MSR1: variants seen among roughly 807,000 people sequenced by gnomAD.
MSR1 encodes the protein macrophage scavenger receptor types I and II.
In MSR1, 53 loss-of-function variants were observed where a neutral mutation model predicts 47.2. The ratio of observed to expected loss-of-function variants is 1.12; its 90% confidence interval spans 0.90 to 1.41. MSR1 has a LOEUF of 1.41. MSR1 is among the 40% of genes most tolerant of loss of function. The pLI, the probability that MSR1 is intolerant of heterozygous loss-of-function variation, is 0.00. For missense variants in MSR1, 786 were observed against 546.9 expected (o/e 1.44, Z -4.36); for synonymous variants, 239 against 185.6 (o/e 1.29, Z -2.34).
At chr8:16,136,589 T>C (rs1188490535) in intron 8 of MSR1, among the ~76,000 whole-genome samples, 1 of 151,892 alleles carries the variant, frequency 6.6e-6, no homozygotes, top group Non-Finnish European at 1.5e-5. Flanking sequence ...AAGGAACACA[T>C]CTATTGTGTT....
chr8:16,168,441 A>T lies in MSR1; in HGVS notation c.630+17T>A. 1.2e-6 allele frequency: 2 copies of T among 1,613,838 alleles called. No homozygotes were observed. Among genetic ancestry groups the T allele is most frequent in the Non-Finnish European group, 1.7e-6 (2 of 1,179,836 alleles). ...ATTCAGTTCCAGCAAGTGACCTTGC[A>T]GTCCACAAACTCTTACCTCTTGTTG... On this transcript the variant is annotated intron_variant, in intron 4 of 9. Coordinates refer to ENST00000262101, the MANE Select transcript of MSR1 (RefSeq NM_138715.3).
intron 3 of MSR1, among the ~76,000 whole-genome samples, chr8:16,173,953 T>G (rs1801565170): frequency 6.6e-6 from 1 of 151,934 alleles, no homozygotes; most frequent in African/African-American, 2.4e-5. Context: ...CCAGCTGACT[T>G]TTTTGTTTTT....
intron 3 of MSR1, among the ~76,000 whole-genome samples, chr8:16,170,033 A>G (rs1319007682): frequency 1.3e-5 from 2 of 152,256 alleles, no homozygotes; most frequent in East Asian, 3.9e-4. Context: ...TCAAAAAAAT[A>G]AAAGGCTTAA....
intron 5 of MSR1, among the ~76,000 whole-genome samples, chr8:16,159,327 A>G (rs1327385904): frequency 6.6e-6 from 1 of 151,932 alleles, no homozygotes; most frequent in Non-Finnish European, 1.5e-5. Flanking sequence ...ACCTTTCTCT[A>G]GAGTTCATCT....
intron 7 of MSR1, among the ~76,000 whole-genome samples, chr8:16,145,867 A>G (rs1366866116): frequency 6.6e-6 from 1 of 152,156 alleles, no homozygotes; most frequent in Non-Finnish European, 1.5e-5. Context: ...ACCTTTGGTT[A>G]AAAATGAATG....
intron 7 of MSR1, among the ~76,000 whole-genome samples, chr8:16,146,261 T>C (rs1464826380): frequency 6.6e-6 from 1 of 151,996 alleles, no homozygotes; most frequent in Non-Finnish European, 1.5e-5. Context: ...TTATAACCAC[T>C]CATTAACCTT....
At chr8:16,129,934 T>C (rs756642759) in intron 8 of MSR1, among the ~76,000 whole-genome samples, 14 of 152,134 alleles carry the variant, frequency 9.2e-5, no homozygotes, top group Admixed American at 2.6e-4. Context: ...GAGTTGTTTC[T>C]TCAAAGGGCA....
At chr8:16,189,274 CAA>C (rs1491124957) in intron 1 of MSR1, among the ~76,000 whole-genome samples, 2 of 132,550 alleles carry the variant, frequency 1.5e-5, no homozygotes, top group Admixed American at 8.1e-5. Flanking sequence ...ATTTATATTT[CAA>C]ATATATAAAA....
intron 2 of MSR1, 125 bp from the exon 3 acceptor site, chr8:16,175,425 G>A (rs555747588): frequency 1.6e-4 from 131 of 842,528 alleles, no homozygotes; most frequent in Middle Eastern, 3.1e-4. Flanking sequence ...AAGAAAAAAT[G>A]TTCCACATCT....
chr8:16,165,542 T>C (rs1563161089), intron 4 of MSR1, among the ~76,000 whole-genome samples: 1 of 152,176 alleles, frequency 6.6e-6, no homozygotes. Flanking sequence ...TTTTATCCCA[T>C]TTTCTGTCTT....
chr8:16,141,741 G>GAAGA (rs945566435), intron 8 of MSR1, among the ~76,000 whole-genome samples: 44 of 151,954 alleles, frequency 2.9e-4, no homozygotes, highest in African/African-American at 9.9e-4. Context: ...AAACATTTCT[G>GAAGA]AACATATCTG....
chr8:16,174,040 A>C (rs1801567543), intron 3 of MSR1, among the ~76,000 whole-genome samples: 1 of 152,198 alleles, frequency 6.6e-6, no homozygotes, highest in South Asian at 2.1e-4. Context: ...CGGGTTCGGA[A>C]GTCTTGGATG....
intron 1 of MSR1, among the ~76,000 whole-genome samples, chr8:16,178,593 G>A (rs687479): frequency 0.21 from 31,847 of 152,048 alleles, 4,364 homozygotes; most frequent in East Asian, 0.54. Context: ...ATACCAGCAT[G>A]ATTTATAATC....
At chr8:16,189,427 A>C (rs1476729706) in intron 1 of MSR1, among the ~76,000 whole-genome samples, 1 of 82,110 alleles carries the variant, frequency 1.2e-5, no homozygotes, top group Non-Finnish European at 1.9e-5. Flanking sequence ...TATATATATA[A>C]AATCATATTT....
intron 1 of MSR1, among the ~76,000 whole-genome samples, chr8:16,184,784 T>G (rs1228519401): frequency 6.6e-6 from 1 of 152,176 alleles, no homozygotes; most frequent in African/African-American, 2.4e-5. Flanking sequence ...TGTTTTTTCT[T>G]TAAGTTTCTA....
chr8:16,139,620 G>T, intron 8 of MSR1: 1 of 973,050 alleles, frequency 1.0e-6, no homozygotes, highest in Non-Finnish European at 1.2e-6. Context: ...TAGAACAAAA[G>T]AATATTGGTA....
intron 8 of MSR1, among the ~76,000 whole-genome samples, chr8:16,122,307 G>A (rs867726888): frequency 6.6e-6 from 1 of 152,048 alleles, no homozygotes; most frequent in Non-Finnish European, 1.5e-5. Context: ...AAAAATCCAA[G>A]AATGGATTGT....
chr8:16,110,645 C>G (rs548995069), intron 9 of MSR1, among the ~76,000 whole-genome samples: 1 of 151,918 alleles, frequency 6.6e-6, no homozygotes, highest in South Asian at 2.1e-4. Flanking sequence ...TAAAATAAAC[C>G]GGAAAAAGGA....
intron 8 of MSR1, chr8:16,140,980 G>A (rs535159765): frequency 6.2e-7 from 1 of 1,613,950 alleles, no homozygotes; most frequent in Admixed American, 1.7e-5. Flanking sequence ...AGCAGAGGAT[G>A]TCCCGCCCAA....
Sources: gnomAD v4.1 joint callset for allele counts (sites outside exome capture counted in the v4.1 genomes callset) on GRCh38, gnomAD v4.1.1 for gene constraint, MANE v1.5 for transcripts, NCBI Gene and HGNC (gene_info 2026-07-23, HGNC 2026-07-21) for gene names.